UBTD1: variants seen among roughly 807,000 people sequenced by gnomAD.
The protein encoded by UBTD1 is ubiquitin domain-containing protein 1.
Under a neutral mutation model 21.7 loss-of-function variants are expected in UBTD1, and 19 were observed. The observed-to-expected ratio is 0.87, with a 90% CI of 0.61 to 1.28. The LOEUF is 1.28. Among genes scored for constraint, UBTD1 ranks in the 50% most tolerant of loss-of-function variants. The pLI is 0.00. For missense variants in UBTD1, 282 were observed against 315.1 expected (o/e 0.89, Z 0.80); for synonymous variants, 116 against 135.1 (o/e 0.86, Z 0.98).
At chr10:97,524,890 G>A (rs943572326) in intron 1 of UBTD1, among the ~76,000 whole-genome samples, 20 of 152,204 alleles carry the variant, frequency 1.3e-4, no homozygotes, top group African/African-American at 4.8e-4. Context: ...CCTAGGCCCT[G>A]GTCCTCCATG....
intron 1 of UBTD1, among the ~76,000 whole-genome samples, chr10:97,555,797 G>A (rs545652566): frequency 6.6e-6 from 1 of 152,298 alleles, no homozygotes; most frequent in South Asian, 2.1e-4. Flanking sequence ...TTAACTGCTG[G>A]GTTTAGGCCA....
At chr10:97,513,897 A>T (rs181653703) in intron 1 of UBTD1, among the ~76,000 whole-genome samples, 1 of 152,180 alleles carries the variant, frequency 6.6e-6, no homozygotes, top group Non-Finnish European at 1.5e-5. Context: ...TTTTTTATAG[A>T]GATGGGGTCT....
chr10:97,540,669 T>G (rs1351281440), intron 1 of UBTD1, among the ~76,000 whole-genome samples: 1 of 152,226 alleles, frequency 6.6e-6, no homozygotes, highest in East Asian at 1.9e-4. Flanking sequence ...TGCACATAAG[T>G]GCAGAGCCAG....
chr10:97,567,339 T>G (rs2040722116), intron 1 of UBTD1, among the ~76,000 whole-genome samples: 1 of 147,696 alleles, frequency 6.8e-6, no homozygotes, highest in Non-Finnish European at 1.5e-5. Context: ...AGTGCTGGGA[T>G]TACAGGCGTG....
In UBTD1 at chr10:97,570,042, G is replaced by A. The variant is rs1032786175; in HGVS notation, c.299-96G>A. On this transcript the variant is annotated intron_variant, in intron 2 of 2. Transcript: ENST00000370664. The surrounding 1 kb of genome is among the most constrained non-coding windows in gnomAD (Gnocchi z 6.6). ...ATGTCCAAATACAGTCACATTGGGG[G>A]TTAGAGTTTCACCATATGAATTTGG... 8 of 1,485,172 alleles carry A rather than the reference G, an allele frequency of 5.4e-6. No individual in the cohort carries two copies. The African/African-American group carries it at 7.0e-5, about 13-fold the overall frequency. The allele number at this position is 1,485,172 out of a possible 1,614,324, so 92.0% of individuals were successfully genotyped here. A position where few individuals can be genotyped will look rare whatever the true frequency, so the allele number is the denominator to read the frequency against.
At chr10:97,549,206 T>G (rs578241757) in intron 1 of UBTD1, among the ~76,000 whole-genome samples, 1 of 152,376 alleles carries the variant, frequency 6.6e-6, no homozygotes, top group South Asian at 2.1e-4. Context: ...GCAGGTTTCC[T>G]CACTGTACAC....
At chr10:97,517,573 G>A (rs920672033) in intron 1 of UBTD1, among the ~76,000 whole-genome samples, 5 of 152,172 alleles carry the variant, frequency 3.3e-5, no homozygotes, top group East Asian at 1.9e-4. Context: ...AGTCTCGTGC[G>A]GATGCAGGCA....
intron 1 of UBTD1, among the ~76,000 whole-genome samples, chr10:97,536,657 T>C (rs2040563278): frequency 6.6e-6 from 1 of 152,134 alleles, no homozygotes; most frequent in Non-Finnish European, 1.5e-5. Context: ...CAGCTTATCC[T>C]GCCGGCCTGC....
At chr10:97,529,500 G>A (rs1446363533) in intron 1 of UBTD1, among the ~76,000 whole-genome samples, 4 of 152,220 alleles carry the variant, frequency 2.6e-5, no homozygotes, top group Non-Finnish European at 4.4e-5. Flanking sequence ...ACGAGACTCC[G>A]TCTGCAATCC....
intron 1 of UBTD1, among the ~76,000 whole-genome samples, chr10:97,520,518 C>T (rs1442748245): frequency 1.3e-5 from 2 of 152,088 alleles, no homozygotes; most frequent in African/African-American, 4.8e-5. Flanking sequence ...GTAAGACATA[C>T]TACAAAGGTA....
intron 1 of UBTD1, among the ~76,000 whole-genome samples, chr10:97,514,576 C>T (rs911405841): frequency 6.6e-5 from 10 of 152,250 alleles, no homozygotes; most frequent in East Asian, 3.9e-4. Flanking sequence ...ATCGCCCTTC[C>T]GCTGATGCAG....
At chr10:97,508,312 T>C (rs996582763) in intron 1 of UBTD1, among the ~76,000 whole-genome samples, 14 of 152,230 alleles carry the variant, frequency 9.2e-5, no homozygotes, top group African/African-American at 3.4e-4. Flanking sequence ...AACGCTTTTT[T>C]GTTTTGTTTT....
At chr10:97,566,581 T>G (rs1161225194) in intron 1 of UBTD1, among the ~76,000 whole-genome samples, 1 of 152,180 alleles carries the variant, frequency 6.6e-6, no homozygotes, top group Non-Finnish European at 1.5e-5. Flanking sequence ...ACCTGTGAAA[T>G]AGCAATAATA....
intron 1 of UBTD1, among the ~76,000 whole-genome samples, chr10:97,557,388 A>G (rs760313744): frequency 1.3e-5 from 2 of 151,494 alleles, no homozygotes; most frequent in Non-Finnish European, 2.9e-5. Flanking sequence ...GGGGTTTGTG[A>G]TTATCAATTC....
chr10:97,509,841 C>T (rs1042742114), intron 1 of UBTD1, among the ~76,000 whole-genome samples: 4 of 151,648 alleles, frequency 2.6e-5, no homozygotes, highest in Non-Finnish European at 4.4e-5. Flanking sequence ...TTAGGAGAGA[C>T]GGGGTTTCAC....
intron 1 of UBTD1, among the ~76,000 whole-genome samples, chr10:97,543,816 T>A (rs1247331848): frequency 2.0e-5 from 3 of 151,972 alleles, no homozygotes; most frequent in East Asian, 3.9e-4. Context: ...AATTACGGGG[T>A]CTTTTCTACC....
At chr10:97,509,090 CTCTT>C (rs1307312858) in intron 1 of UBTD1, among the ~76,000 whole-genome samples, 2 of 152,218 alleles carry the variant, frequency 1.3e-5, no homozygotes, top group Non-Finnish European at 1.5e-5. Context: ...GATTAACAAT[CTCTT>C]TCTTCTCTCA....
intron 1 of UBTD1, among the ~76,000 whole-genome samples, chr10:97,544,681 G>GA (rs1052504804): frequency 4.0e-5 from 6 of 151,220 alleles, no homozygotes; most frequent in South Asian, 2.1e-4. Context: ...GTAAGCTAGA[G>GA]AAAAAAAAAT....
intron 1 of UBTD1, among the ~76,000 whole-genome samples, chr10:97,526,156 T>G (rs2040487350): frequency 1.3e-5 from 2 of 152,196 alleles, no homozygotes; most frequent in Non-Finnish European, 2.9e-5. Context: ...AAGCAGAGGA[T>G]TCGATCTCTG....
Sources: allele counts gnomAD v4.1 joint callset (sites outside exome capture counted in the v4.1 genomes callset), GRCh38; gene constraint gnomAD v4.1.1; non-coding constraint Gnocchi (gnomAD v3.1); transcripts MANE v1.5; gene names NCBI Gene and HGNC (gene_info 2026-07-23, HGNC 2026-07-21).